The following PDE4D variants were observed in gnomAD, a reference collection of about 807,000 sequenced individuals.
PDE4D encodes phosphodiesterase 4D, also known as 3',5'-cyclic-AMP phosphodiesterase 4D.
Under a neutral mutation model 87.4 loss-of-function variants are expected in PDE4D, and 24 were observed. That is an observed-to-expected ratio of 0.27 (90% CI 0.20 to 0.39). The LOEUF is 0.39. Ranked by LOEUF, PDE4D falls within the 10% of genes least tolerant of loss-of-function variation. The pLI, the probability that PDE4D is intolerant of heterozygous loss-of-function variation, is 1.00. For synonymous variants in PDE4D, 384 were observed against 383.2 expected, an observed-to-expected ratio of 1.00 and a Z score of -0.02; for missense variants, 714 against 1,041.0, an observed-to-expected ratio of 0.69 and a Z score of 4.32.
chr5:60,047,160 T>G (rs1490908403), intron 2 of PDE4D, among the ~76,000 whole-genome samples: 1 of 152,180 alleles, frequency 6.6e-6, no homozygotes, highest in Non-Finnish European at 1.5e-5. Context: ...TGCGTAGAGG[T>G]GTTTGTAGTA....
chr5:59,132,901 G>A (rs1024608471), intron 5 of PDE4D, among the ~76,000 whole-genome samples: 1 of 152,140 alleles, frequency 6.6e-6, no homozygotes, highest in East Asian at 1.9e-4. Context: ...ACACTGTTCT[G>A]CTAAAGGAAG....
intron 13 of PDE4D, among the ~76,000 whole-genome samples, 165 bp downstream of exon 13, chr5:58,976,185 C>T (rs1318422747): frequency 1.3e-5 from 2 of 152,028 alleles, no homozygotes; most frequent in African/African-American, 4.8e-5. Flanking sequence ...AGAATTTTAC[C>T]TGGTTAATTC....
chr5:60,192,979 C>T (rs1030062161), intron 1 of PDE4D, among the ~76,000 whole-genome samples: 2 of 152,160 alleles, frequency 1.3e-5, no homozygotes, highest in Non-Finnish European at 1.5e-5. Context: ...TTTGCTATTT[C>T]GTACCCAATG....
At chr5:60,412,568 AC>A (rs1742134189) in intron 1 of PDE4D, among the ~76,000 whole-genome samples, 1 of 152,130 alleles carries the variant, frequency 6.6e-6, no homozygotes, top group Non-Finnish European at 1.5e-5. Flanking sequence ...CTTAGTTCAA[AC>A]CCTGCATGTT....
At chr5:59,189,680 G>A (rs1390588200) in intron 3 of PDE4D, among the ~76,000 whole-genome samples, 1 of 152,096 alleles carries the variant, frequency 6.6e-6, no homozygotes, top group Admixed American at 6.6e-5. Flanking sequence ...AAGGTCAGTT[G>A]CCGCGTGCAC....
chr5:60,264,330 G>GA (rs1426528759), intron 1 of PDE4D, among the ~76,000 whole-genome samples: 35 of 152,098 alleles, frequency 2.3e-4, no homozygotes, highest in African/African-American at 7.7e-4. Flanking sequence ...AGATGGCTGA[G>GA]AAAAAAATGC....
intron 1 of PDE4D, among the ~76,000 whole-genome samples, chr5:59,771,528 A>AAGAC (rs1315628441): frequency 6.8e-6 from 1 of 147,344 alleles, no homozygotes; most frequent in African/African-American, 2.7e-5. Flanking sequence ...GAAAGAAAGA[A>AAGAC]AGAAAGAAAG....
chr5:59,984,279 A>G (rs1198663516), intron 3 of PDE4D, among the ~76,000 whole-genome samples: 6 of 152,200 alleles, frequency 3.9e-5, no homozygotes, highest in Non-Finnish European at 8.8e-5. Flanking sequence ...AATATGAAAA[A>G]CTGACTTTCC....
rs368767725 is a variant in PDE4D, at chr5:59,511,949, G to A, written c.456-295981C>T. 3.9e-5 allele frequency among the ~76,000 whole-genome samples: 6 copies of A among 152,210 alleles called. No homozygotes were observed. In the East Asian group the frequency reaches 9.7e-4, roughly 25 times the overall value. ...CATTCTAATGAGGCTTTTAAAAAAT[G>A]TGGTAATTTGAGGTCTGAAGTGGGT... On this transcript the variant is annotated intron_variant, in intron 1 of 14. Coordinates refer to ENST00000340635, the MANE Select transcript of PDE4D (RefSeq NM_001104631.2).
At chr5:59,634,707 T>C (rs1180051313) in intron 1 of PDE4D, among the ~76,000 whole-genome samples, 1 of 152,186 alleles carries the variant, frequency 6.6e-6, no homozygotes, top group African/African-American at 2.4e-5. Context: ...ACATACAATG[T>C]ACCAGAATCT....
intron 5 of PDE4D, among the ~76,000 whole-genome samples, chr5:59,142,791 C>T (rs958654888): frequency 5.9e-5 from 9 of 152,182 alleles, no homozygotes; most frequent in African/African-American, 1.9e-4. Flanking sequence ...GTGGCACACG[C>T]CTGTAGTCCC....
intron 1 of PDE4D, chr5:59,276,038 A>G (rs1252251515): frequency 5.1e-6 from 5 of 984,522 alleles, no homozygotes; most frequent in Non-Finnish European, 6.0e-6. Flanking sequence ...CTATCATTCA[A>G]TCTCACCAGG....
intron 1 of PDE4D, among the ~76,000 whole-genome samples, chr5:60,321,289 C>A (rs1393000622): frequency 1.3e-5 from 2 of 152,154 alleles, no homozygotes; most frequent in Non-Finnish European, 2.9e-5. Context: ...CAAAGACAAG[C>A]AATGGGGAAA....
intron 5 of PDE4D, among the ~76,000 whole-genome samples, chr5:59,105,827 G>A (rs905844189): frequency 2.0e-5 from 3 of 152,062 alleles, no homozygotes; most frequent in Admixed American, 6.5e-5. Context: ...GTAGCGAGTG[G>A]GTCAATTTAA....
intron 5 of PDE4D, among the ~76,000 whole-genome samples, chr5:59,149,353 T>C (rs1356087112): frequency 6.6e-6 from 1 of 152,160 alleles, no homozygotes; most frequent in African/African-American, 2.4e-5. Flanking sequence ...TCAGGTGCTA[T>C]CCTATTTGGA....
intron 1 of PDE4D, among the ~76,000 whole-genome samples, chr5:59,592,807 A>T (rs1349855456): frequency 2.0e-5 from 3 of 152,116 alleles, no homozygotes; most frequent in Admixed American, 6.6e-5. Context: ...AAAAAAGTCA[A>T]ATGTGTATAC....
intron 1 of PDE4D, among the ~76,000 whole-genome samples, chr5:59,455,798 T>G (rs1422633089): frequency 6.6e-6 from 1 of 152,202 alleles, no homozygotes; most frequent in Non-Finnish European, 1.5e-5. Flanking sequence ...GAACCCACCC[T>G]TTGCGTTAAC....
At chr5:59,104,439 T>C (rs144005286) in intron 5 of PDE4D, among the ~76,000 whole-genome samples, 182 of 152,322 alleles carry the variant, frequency 1.2e-3, no homozygotes, top group Admixed American at 2.2e-3. Flanking sequence ...CTAACATGAT[T>C]ATACGAATCG....
Position 59,805,287 on chromosome 5 carries a change from C to A in PDE4D, c.455+87881G>T, listed in dbSNP as rs558989392. 5.4e-4 allele frequency among the ~76,000 whole-genome samples: 82 copies of A among 152,254 alleles called. 1 individual carries two copies. The highest frequency in any genetic ancestry group is 3.4e-3 in the Middle Eastern group (1 of 294). ...GCTTCACTAATCTTGTAAAAAGAATCAATTCCACCCCACCCCTAAAGTTAG... is the reference window on the plus strand; with the variant it reads ...GCTTCACTAATCTTGTAAAAAGAATAAATTCCACCCCACCCCTAAAGTTAG... On this transcript the variant is annotated intron_variant, in intron 1 of 14. Coordinates refer to ENST00000340635, the MANE Select transcript of PDE4D (RefSeq NM_001104631.2).
Sources: gnomAD v4.1 joint callset for allele counts (sites outside exome capture counted in the v4.1 genomes callset) on GRCh38, gnomAD v4.1.1 for gene constraint, MANE v1.5 for transcripts, NCBI Gene and HGNC (gene_info 2026-07-23, HGNC 2026-07-21) for gene names.